Variants in HINT3 observed in about 807,000 individuals in gnomAD.
HINT3 encodes adenosine 5'-monophosphoramidase HINT3.
In HINT3, 16 loss-of-function variants were observed where a neutral mutation model predicts 19.1. The ratio of observed to expected loss-of-function variants is 0.84; its 90% CI spans 0.57 to 1.27. The LOEUF is 1.27. Ranked by LOEUF, HINT3 falls within the 50% of genes most tolerant of loss-of-function variation. The probability of loss-of-function intolerance (pLI) is 0.00; values close to 1 mark genes in which losing one functional copy is unlikely to be tolerated. For synonymous variants in HINT3, 75 were observed against 84.8 expected (o/e 0.88, Z 0.63); for missense variants, 197 against 225.8 (o/e 0.87, Z 0.82).
intron 4 of HINT3, among the ~76,000 whole-genome samples, chr6:125,976,632 T>G (rs1789182897): frequency 6.6e-6 from 1 of 151,024 alleles, no homozygotes. Flanking sequence ...TGAAAATACA[T>G]TTTTGTAATG....
intron 1 of HINT3, among the ~76,000 whole-genome samples, chr6:125,960,431 G>T (rs1223004970): frequency 6.6e-6 from 1 of 152,210 alleles, no homozygotes; most frequent in Admixed American, 6.5e-5. Flanking sequence ...GGCTGAGGCA[G>T]GCGGATCACG....
In HINT3 at chr6:125,957,098, C is replaced by G. The variant is rs868163659; in HGVS notation, c.121C>G (p.Pro41Ala). The G allele has an allele frequency of 4.5e-6, 7 of 1,550,812 alleles. No homozygotes were observed. The highest frequency in any genetic ancestry group is 6.1e-6 in the Non-Finnish European group (7 of 1,146,842). The change falls in exon 1 of 5, where the codon CCC (proline) becomes GCC (alanine). Residue 41 changes from proline (P) to alanine (A), a missense_variant. Coordinates refer to ENST00000229633, the MANE Select transcript of HINT3 (RefSeq NM_138571.5). ...TGAAGCCGCTGGCAAGTCACCAGAG[C>G]CCAAGGACTACGACAGCACCTGCGT... is the stretch of plus-strand genomic sequence containing the variant. ...TCEAAGKSPE[P>A]KDYDSTCVFC...
At chr6:125,971,932 C>T (rs1170524286) in intron 2 of HINT3, among the ~76,000 whole-genome samples, 2 of 151,962 alleles carry the variant, frequency 1.3e-5, no homozygotes, top group African/African-American at 4.8e-5. Flanking sequence ...AGGATGGTCT[C>T]GATCTCCTGA....
At chr6:125,966,026 A>AT (rs1179653366) in intron 1 of HINT3, among the ~76,000 whole-genome samples, 5 of 152,220 alleles carry the variant, frequency 3.3e-5, no homozygotes, top group East Asian at 1.9e-4. Context: ...GCATTCATGG[A>AT]TTTTTTCTAA....
intron 4 of HINT3, among the ~76,000 whole-genome samples, chr6:125,976,610 A>C (rs1315064682): frequency 6.6e-6 from 1 of 151,018 alleles, no homozygotes; most frequent in Non-Finnish European, 1.5e-5. Context: ...TACCTTTATA[A>C]TAAAAGATGA....
intron 1 of HINT3, among the ~76,000 whole-genome samples, chr6:125,957,495 T>C (rs1788858055): frequency 6.6e-6 from 1 of 152,240 alleles, no homozygotes. Context: ...TGTTTGCAGG[T>C]ACCCAGGTAG....
chr6:125,962,259 T>TATATATATACACAC (rs1788949326), intron 1 of HINT3, among the ~76,000 whole-genome samples: 1 of 27,094 alleles, frequency 3.7e-5, no homozygotes, highest in African/African-American at 2.3e-4. Flanking sequence ...TACACACATA[T>TATATATATACACAC]ATATATATAT....
chr6:125,974,739 T>C, intron 3 of HINT3, 108 bp from the exon 4 acceptor site: 1 of 1,040,618 alleles, frequency 9.6e-7, no homozygotes. Context: ...ACAGTCTATT[T>C]ACCTTAGGTA....
intron 2 of HINT3, among the ~76,000 whole-genome samples, chr6:125,970,127 G>C (rs1671342117): frequency 1.3e-5 from 2 of 152,210 alleles, no homozygotes; most frequent in South Asian, 4.1e-4. Flanking sequence ...CACTTTAATG[G>C]AAAACCTTGA....
intron 1 of HINT3, among the ~76,000 whole-genome samples, chr6:125,962,505 C>A (rs1035238775): frequency 6.6e-6 from 1 of 151,496 alleles, no homozygotes; most frequent in East Asian, 1.9e-4. Context: ...TAACATAATT[C>A]GATGGTTTAC....
intron 1 of HINT3, among the ~76,000 whole-genome samples, chr6:125,960,649 T>A (rs1346518891): frequency 1.2e-5 from 1 of 83,296 alleles, no homozygotes; most frequent in African/African-American, 3.2e-5. Context: ...AGAGCAAGAC[T>A]CTCTCTGGGG....
rs1562212055 is a variant in HINT3 at position 125,962,201 on chromosome 6, TATATATATAC to T, written c.202-4684_202-4675del. Among the ~76,000 whole-genome samples the T allele has an allele frequency of 3.1e-3, 154 of 48,900 alleles. 23 individuals carry two copies. The highest frequency in any genetic ancestry group is 0.025 in the African/African-American group (133 of 5,418). The allele number at this position is 48,900 out of a possible 152,430, so 32.1% of individuals were successfully genotyped here. A position where few individuals can be genotyped will look rare whatever the true frequency, so the allele number is the denominator to read the frequency against. Reference sequence around the variant, plus strand: ...ATATATATATACACATATATATATATATATATATACACATATATATATATATATATATACA... The same window carrying T: ...ATATATATATACACATATATATATATACATATATATATATATATATATACA... On this transcript the variant is annotated intron_variant, in intron 1 of 4. Coordinates refer to ENST00000229633, the MANE Select transcript of HINT3 (RefSeq NM_138571.5).
chr6:125,957,589 C>T (rs1233320589), intron 1 of HINT3, among the ~76,000 whole-genome samples: 1 of 152,222 alleles, frequency 6.6e-6, no homozygotes, highest in Non-Finnish European at 1.5e-5. Flanking sequence ...AAATCCTGCA[C>T]ACTCTAATAC....
At position 125,970,460 on chromosome 6, in the gene HINT3, T is replaced by A. The variant is rs556101757; in HGVS notation, c.320-1799T>A. On this transcript the variant is annotated intron_variant, in intron 2 of 4. Transcript: ENST00000229633. ...CAGAAGTGGAGAATAGAGGCTGTTA[T>A]AACTAGTTTTTATAATGTTGCAAAT... Among the ~76,000 whole-genome samples, 8 of 152,334 alleles carry A rather than the reference T, an allele frequency of 5.3e-5. No homozygotes were observed. The East Asian group carries it at 1.4e-3, about 26-fold the overall frequency.
chr6:125,961,346 A>T (rs1788922650), intron 1 of HINT3, among the ~76,000 whole-genome samples: 1 of 152,226 alleles, frequency 6.6e-6, no homozygotes, highest in Non-Finnish European at 1.5e-5. Flanking sequence ...TCAGTTTTGC[A>T]GCAGACACCA....
At position 125,979,413 on chromosome 6, in the gene HINT3, A is replaced by C. The variant is rs533494043; in HGVS notation, c.*1737A>C. 1 of 152,204 alleles carries C rather than the reference A, an allele frequency of 6.6e-6. No individual in the cohort carries two copies. Among genetic ancestry groups the C allele is most frequent in the Non-Finnish European group, 1.5e-5 (1 of 68,024 alleles). 9.4% of individuals were successfully genotyped at this position (152,204 alleles called of 1,614,324 possible). ...AACAACTGCAATCTTTGATTGTTTT[A>C]CTGTGGGAACTTGCAGTGATATAAT... On this transcript the variant is annotated 3_prime_UTR_variant, in exon 5 of 5. Coordinates refer to ENST00000229633, the MANE Select transcript of HINT3 (RefSeq NM_138571.5).
At chr6:125,966,451 T>G (rs763746751) in intron 1 of HINT3, among the ~76,000 whole-genome samples, 4 of 152,218 alleles carry the variant, frequency 2.6e-5, no homozygotes, top group Non-Finnish European at 5.9e-5. Flanking sequence ...TAGCTGGTGT[T>G]CTTTTTATAA....
At chr6:125,974,287 T>C (rs1789149692) in intron 3 of HINT3, among the ~76,000 whole-genome samples, 1 of 152,234 alleles carries the variant, frequency 6.6e-6, no homozygotes, top group African/African-American at 2.4e-5. Context: ...AGCACATAAT[T>C]ATCATTATCA....
chr6:125,963,180 C>T (rs1788968292), intron 1 of HINT3, among the ~76,000 whole-genome samples: 1 of 152,132 alleles, frequency 6.6e-6, no homozygotes, highest in Non-Finnish European at 1.5e-5. Flanking sequence ...AGCCACACTC[C>T]ATCTGCTGGG....
Sources: allele counts gnomAD v4.1 joint callset (sites outside exome capture counted in the v4.1 genomes callset), GRCh38; gene constraint gnomAD v4.1.1; transcripts MANE v1.5; gene names NCBI Gene and HGNC (gene_info 2026-07-23, HGNC 2026-07-21).